DAPK2: variants seen among roughly 807,000 people sequenced by gnomAD.
DAPK2 encodes death associated protein kinase 2.
In DAPK2, 35 loss-of-function variants were observed where a neutral mutation model predicts 44.1. The observed-to-expected ratio is 0.79, with a 90% confidence interval of 0.61 to 1.05. The LOEUF is 1.05. Ranked by LOEUF, DAPK2 falls within the 50% of genes least tolerant of loss-of-function variation. The pLI, the probability that DAPK2 is intolerant of heterozygous loss-of-function variation, is 0.00. For missense variants in DAPK2, 453 were observed against 483.2 expected (o/e 0.94, Z 0.59); for synonymous variants, 174 against 182.6 (o/e 0.95, Z 0.38).
At chr15:63,983,461 T>G (rs2140860221) in intron 2 of DAPK2, 72 bp downstream of exon 3, 1 of 1,446,636 alleles carries the variant, frequency 6.9e-7, no homozygotes, top group Non-Finnish European at 9.6e-7. Context: ...CTGGGGCCTG[T>G]GGCTGGAGTT....
chr15:63,924,865 C>T lies in DAPK2; in HGVS notation c.813-4G>A. ...CTCTTGGATTGTGAGCCGTTTCCTG[C>T]AATGAGGATTGGGAAACAGTGATGA... is the stretch of plus-strand genomic sequence containing the variant. On this transcript the variant is annotated splice_region_variant and splice_polypyrimidine_tract_variant and intron_variant, in intron 7 of 10. Transcript: ENST00000261891. The T allele has an allele frequency of 1.2e-6, 2 of 1,614,086 alleles. No homozygotes were observed. Among genetic ancestry groups the T allele is most frequent in the Non-Finnish European group, 1.7e-6 (2 of 1,179,948 alleles).
chr15:63,971,600 A>G (rs2078214523), intron 2 of DAPK2, 39 bp from the exon 4 acceptor site: 1 of 1,606,532 alleles, frequency 6.2e-7, no homozygotes, highest in Non-Finnish European at 8.5e-7. Context: ...GCCCAGGCCC[A>G]GTCAGCTCTG....
intron 1 of DAPK2, among the ~76,000 whole-genome samples, chr15:64,024,006 G>A (rs2079764400): frequency 6.6e-6 from 1 of 152,218 alleles, no homozygotes; most frequent in South Asian, 2.1e-4. Flanking sequence ...AAGAAAAGGG[G>A]AGTCTACCTT....
chr15:63,912,305 C>A lies in DAPK2; in HGVS notation c.859-108G>T, dbSNP rs952268575. The A allele has an allele frequency of 9.3e-7, 1 of 1,074,544 alleles. No homozygotes were observed. Among genetic ancestry groups the A allele is most frequent in the Admixed American group, 1.9e-5 (1 of 51,644 alleles). 66.6% of individuals were successfully genotyped at this position (1,074,544 alleles called of 1,614,324 possible). ...CGCATGCCCACCGCCCTTGGCTTGA[C>A]CCTGGCATCTCCCCGCCAGGTGGGG... On this transcript the variant is annotated intron_variant, in intron 8 of 10. Coordinates refer to ENST00000261891, the Ensembl canonical transcript of DAPK2. This position sits in a 1 kb window ranked among gnomAD's most constrained non-coding sequence, Gnocchi z 4.4.
At chr15:63,959,556 T>C (rs2077825843) in intron 3 of DAPK2, among the ~76,000 whole-genome samples, 1 of 152,258 alleles carries the variant, frequency 6.6e-6, no homozygotes, top group Non-Finnish European at 1.5e-5. Context: ...TGAGAGTTTT[T>C]AGCATGAAGG....
intron 3 of DAPK2, among the ~76,000 whole-genome samples, chr15:63,953,250 T>G (rs951223485): frequency 1.3e-5 from 2 of 152,118 alleles, no homozygotes; most frequent in African/African-American, 2.4e-5. Context: ...CATTCCTGAG[T>G]TTCTTCACTT....
chr15:63,967,940 C>T (rs1337604489), intron 3 of DAPK2, among the ~76,000 whole-genome samples: 1 of 152,120 alleles, frequency 6.6e-6, no homozygotes, highest in East Asian at 1.9e-4. Context: ...GTGGAGACAA[C>T]ATGCTGGCTG....
chr15:63,919,244 A>C (rs1350447696), intron 8 of DAPK2: 2 of 152,202 alleles, frequency 1.3e-5, no homozygotes, highest in African/African-American at 4.8e-5. Flanking sequence ...AGGTCTGTTT[A>C]CGACACGTCT....
chr15:63,971,669 G>A (rs2078217473), intron 2 of DAPK2, 108 bp from the exon 4 acceptor site: 2 of 1,202,776 alleles, frequency 1.7e-6, no homozygotes, highest in Non-Finnish European at 2.3e-6. Flanking sequence ...CAGGGACCTT[G>A]TATGGCAGAA....
At chr15:63,984,625 G>A (rs900060811) in intron 1 of DAPK2, among the ~76,000 whole-genome samples, 21 of 152,118 alleles carry the variant, frequency 1.4e-4, no homozygotes, top group Admixed American at 3.9e-4. Flanking sequence ...CATCTTGCCC[G>A]GGGGTCCTCC....
intron 3 of DAPK2, among the ~76,000 whole-genome samples, chr15:63,945,927 A>G (rs2077438469): frequency 6.6e-6 from 1 of 152,234 alleles, no homozygotes; most frequent in South Asian, 2.1e-4. Flanking sequence ...TGCTGGGTCC[A>G]AGCCAGAGTG....
intron 8 of DAPK2, among the ~76,000 whole-genome samples, chr15:63,924,096 T>C (rs2079170017): frequency 6.6e-6 from 1 of 152,154 alleles, no homozygotes; most frequent in Non-Finnish European, 1.5e-5. Context: ...TGGGTGTGCA[T>C]AGCTGGTCAG....
chr15:64,046,387 CGGGAACGGG>C, upstream of DAPK2: 12 of 304,378 alleles, frequency 3.9e-5, no homozygotes, highest in South Asian at 2.4e-4. This position sits in a 1 kb window ranked among gnomAD's most constrained non-coding sequence, Gnocchi z 5.3. Context: ...GCGGGCGCGG[CGGGAACGGG>C]GGACGCGGCG....
rs1040657553 is a variant in DAPK2, at chr15:63,922,584, C to T, written c.858+2232G>A. Reference sequence around the variant, plus strand: ...TGCAGAATGAAGAATTAACTGGCACCTCAGCAATTCTGGATTCTGTGGAGG... The same window carrying T: ...TGCAGAATGAAGAATTAACTGGCACTTCAGCAATTCTGGATTCTGTGGAGG... On this transcript the variant is annotated intron_variant, in intron 8 of 10. Coordinates refer to ENST00000261891, the Ensembl canonical transcript of DAPK2. The T allele has an allele frequency of 7.1e-6, 10 of 1,414,182 alleles. No homozygotes were observed. The East Asian group carries it at 2.3e-4, about 32-fold the overall frequency. 87.6% of individuals were successfully genotyped at this position (1,414,182 alleles called of 1,614,324 possible). A position where few individuals can be genotyped will look rare whatever the true frequency, so the allele number is the denominator to read the frequency against.
At chr15:63,968,942 A>C (rs1595821648) in intron 3 of DAPK2, among the ~76,000 whole-genome samples, 1 of 152,198 alleles carries the variant, frequency 6.6e-6, no homozygotes, top group Non-Finnish European at 1.5e-5. Flanking sequence ...ACAATAAAAC[A>C]ACAAGTTAAT....
At chr15:63,983,282 T>A (rs1178253495) in intron 2 of DAPK2, among the ~76,000 whole-genome samples, 2 of 152,222 alleles carry the variant, frequency 1.3e-5, no homozygotes. Context: ...AAGCCAGACT[T>A]AGGCCATTGC....
intron 3 of DAPK2, among the ~76,000 whole-genome samples, chr15:63,965,819 A>G (rs8035776): frequency 0.41 from 61,880 of 152,054 alleles, 13,102 homozygotes; most frequent in Non-Finnish European, 0.45. Context: ...TGTGGTGAAT[A>G]CTGCCAGGCG....
chr15:64,016,893 A>T (rs2079547745), intron 1 of DAPK2, among the ~76,000 whole-genome samples: 1 of 146,458 alleles, frequency 6.8e-6, no homozygotes, highest in African/African-American at 2.6e-5. Flanking sequence ...GGAAGGAAGG[A>T]AGGAAGGACG....
chr15:64,033,190 G>T lies in DAPK2; in HGVS notation c.92+6980C>A, dbSNP rs1283239694. ...TGGGACGATTGCTTGAGCCCAGGAG[G>T]TCGAGGCTGCAATGAGCCATGACTG... On this transcript the variant is annotated intron_variant, in intron 1 of 10. Transcript: ENST00000261891. Among the ~76,000 whole-genome samples, 4 of 151,220 alleles carry T rather than the reference G, an allele frequency of 2.6e-5. No homozygotes were observed. In the East Asian group the frequency reaches 7.8e-4, roughly 30 times the overall value.
Sources: allele counts gnomAD v4.1 joint callset (sites outside exome capture counted in the v4.1 genomes callset), GRCh38; gene constraint gnomAD v4.1.1; non-coding constraint Gnocchi (gnomAD v3.1); transcripts MANE v1.5; gene names NCBI Gene and HGNC (gene_info 2026-07-23, HGNC 2026-07-21).